Variants in PCSK5 observed in about 807,000 individuals in gnomAD.
The protein encoded by PCSK5 is prohormone convertase 5.
A neutral mutation model predicts 233.2 loss-of-function variants in PCSK5; 129 were observed. The ratio of observed to expected loss-of-function variants is 0.55; its 90% CI spans 0.48 to 0.64. The LOEUF (loss-of-function observed/expected upper bound fraction) is 0.64. PCSK5 is among the 30% of genes least tolerant of loss of function. The pLI is 0.00. For synonymous variants in PCSK5, 825 were observed against 879.2 expected (o/e 0.94, Z 1.09); for missense variants, 2,076 against 2,430.1 (o/e 0.85, Z 3.06).
intron 2 of PCSK5, among the ~76,000 whole-genome samples, chr9:75,954,100 T>C (rs1387188855): frequency 2.0e-5 from 3 of 152,216 alleles, no homozygotes; most frequent in Admixed American, 6.5e-5. Flanking sequence ...TCTGTAACGA[T>C]GTGGCTAAAC....
rs141411002 is a variant in PCSK5, at chr9:76,133,734, T to C, written c.1209-375T>C. On this transcript the variant is annotated intron_variant, in intron 9 of 37. Transcript: ENST00000674117. ...AGAAACGTTTCAGAGGCCTTCTGTT[T>C]TGATTTTAGCTTATCGTAATCTGAT... Among the ~76,000 whole-genome samples, 266 of 152,204 alleles carry C rather than the reference T, an allele frequency of 1.7e-3. 2 individuals are homozygous for C. Among genetic ancestry groups the C allele is most frequent in the African/African-American group, 6.0e-3 (248 of 41,546 alleles).
chr9:76,207,074 TGA>T (rs906210022), intron 20 of PCSK5, among the ~76,000 whole-genome samples: 2 of 152,158 alleles, frequency 1.3e-5, no homozygotes, highest in African/African-American at 2.4e-5. Context: ...CACTCTACAG[TGA>T]GAGAGATTAG....
rs780616534 is a variant in PCSK5, at chr9:76,096,121, C to T, written c.1107+19C>T. 6 of 1,546,652 alleles carry T rather than the reference C, an allele frequency of 3.9e-6. No individual in the cohort carries two copies. The highest frequency in any genetic ancestry group is 1.1e-5 in the South Asian group (1 of 89,548). On this transcript the variant is annotated intron_variant, in intron 8 of 37. Transcript: ENST00000674117. ...GAAAATCGTACGTGACATGTGCATG[C>T]CCATCATGATCTGTTTATTTAATGT...
At chr9:76,026,833 G>GGTGAGC (rs1018331347) in intron 4 of PCSK5, 128 bp from the exon 5 acceptor site, 72 of 606,730 alleles carry the variant, frequency 1.2e-4, no homozygotes, top group Admixed American at 2.0e-4. Context: ...TGAACCGTGA[G>GGTGAGC]GTGAGCGTAT....
At chr9:75,948,961 C>A (rs116970172) in intron 2 of PCSK5, among the ~76,000 whole-genome samples, 521 of 151,948 alleles carry the variant, frequency 3.4e-3, no homozygotes, top group Non-Finnish European at 5.9e-3. Context: ...ATAGCACTTA[C>A]TATCTTATCA....
intron 9 of PCSK5, among the ~76,000 whole-genome samples, chr9:76,132,922 T>A (rs1011207912): frequency 6.6e-6 from 1 of 151,804 alleles, no homozygotes; most frequent in Non-Finnish European, 1.5e-5. Flanking sequence ...GGGAAAAAAA[T>A]GTAGTATAAA....
intron 3 of PCSK5, among the ~76,000 whole-genome samples, chr9:76,000,826 C>T (rs951357938): frequency 7.2e-5 from 11 of 151,954 alleles, no homozygotes; most frequent in Admixed American, 6.6e-4. Flanking sequence ...CCAGTATATT[C>T]TTTTTCTGGT....
intron 1 of PCSK5, among the ~76,000 whole-genome samples, chr9:75,914,841 A>T (rs1046495234): frequency 1.3e-5 from 2 of 152,196 alleles, no homozygotes; most frequent in African/African-American, 4.8e-5. Context: ...GGTATATGGC[A>T]TATAAGCAAA....
intron 2 of PCSK5, among the ~76,000 whole-genome samples, chr9:75,963,259 C>T (rs1284215644): frequency 6.6e-6 from 1 of 152,152 alleles, no homozygotes; most frequent in East Asian, 1.9e-4. Context: ...ATAACATAAT[C>T]TTGGCTCTTC....
chr9:76,079,067 T>C (rs547486882), intron 7 of PCSK5, among the ~76,000 whole-genome samples: 1 of 152,108 alleles, frequency 6.6e-6, no homozygotes, highest in African/African-American at 2.4e-5. Flanking sequence ...CCTTAGGTAT[T>C]TATTATGTGT....
chr9:75,985,328 C>G (rs1399578037), intron 2 of PCSK5, among the ~76,000 whole-genome samples: 1 of 152,118 alleles, frequency 6.6e-6, no homozygotes. Flanking sequence ...AAGCTTATAA[C>G]TAAATATTAA....
chr9:76,295,651 G>A (rs1370425507), intron 26 of PCSK5, among the ~76,000 whole-genome samples: 1 of 152,178 alleles, frequency 6.6e-6, no homozygotes, highest in Non-Finnish European at 1.5e-5. Context: ...CAAGCTGATG[G>A]AAACAAGGCT....
intron 24 of PCSK5, among the ~76,000 whole-genome samples, chr9:76,243,920 C>T (rs1156313652): frequency 6.6e-6 from 1 of 152,122 alleles, no homozygotes; most frequent in Non-Finnish European, 1.5e-5. Flanking sequence ...ATAAACCATA[C>T]AATACAAAAA....
intron 9 of PCSK5, among the ~76,000 whole-genome samples, chr9:76,117,637 T>C (rs941416418): frequency 1.3e-5 from 2 of 152,164 alleles, no homozygotes; most frequent in Non-Finnish European, 2.9e-5. Context: ...GAGGAATACC[T>C]GAATGATCCA....
At chr9:75,986,494 A>G (rs918247529) in intron 3 of PCSK5, among the ~76,000 whole-genome samples, 2 of 152,226 alleles carry the variant, frequency 1.3e-5, no homozygotes, top group Non-Finnish European at 2.9e-5. Flanking sequence ...TTGAGAGCTT[A>G]CTTTGTGCAG....
chr9:75,900,480 A>G (rs1399494862), intron 1 of PCSK5, among the ~76,000 whole-genome samples: 4 of 151,934 alleles, frequency 2.6e-5, no homozygotes, highest in Admixed American at 2.6e-4. Flanking sequence ...GGAGATCAAG[A>G]CCAGCCTGGG....
chr9:76,083,446 G>A (rs145610943), intron 7 of PCSK5, among the ~76,000 whole-genome samples: 1 of 152,220 alleles, frequency 6.6e-6, no homozygotes, highest in African/African-American at 2.4e-5. Flanking sequence ...GCTTTCCAGT[G>A]AACTCTAACA....
chr9:75,942,486 T>G (rs956112461), intron 2 of PCSK5, among the ~76,000 whole-genome samples: 2 of 152,232 alleles, frequency 1.3e-5, no homozygotes, highest in East Asian at 3.9e-4. Context: ...GGCTCAAACA[T>G]TATTTCTCTC....
chr9:76,129,706 T>G (rs1822678027), intron 9 of PCSK5, among the ~76,000 whole-genome samples: 1 of 131,610 alleles, frequency 7.6e-6, no homozygotes, highest in Admixed American at 8.1e-5. Flanking sequence ...GGAAAACCCT[T>G]TGGTGAAGGA....
Sources: gnomAD v4.1 joint callset for allele counts (sites outside exome capture counted in the v4.1 genomes callset) on GRCh38, gnomAD v4.1.1 for gene constraint, MANE v1.5 for transcripts, NCBI Gene and HGNC (gene_info 2026-07-23, HGNC 2026-07-21) for gene names.